ALG6: variants seen among roughly 807,000 people sequenced by gnomAD.
The protein encoded by ALG6 is dolichyl pyrophosphate Man9GlcNAc2 alpha-1,3-glucosyltransferase.
Under a neutral mutation model 66.6 loss-of-function variants are expected in ALG6, and 46 were observed. The observed-to-expected ratio is 0.69, with a 90% CI of 0.55 to 0.88. The LOEUF (loss-of-function observed/expected upper bound fraction) is 0.88. ALG6 is among the 40% of genes least tolerant of loss of function. The pLI, the probability that ALG6 is intolerant of heterozygous loss-of-function variation, is 0.00. For missense variants in ALG6, 505 were observed against 586.8 expected (o/e 0.86, Z 1.44); for synonymous variants, 185 against 203.7 (o/e 0.91, Z 0.78).
intron 2 of ALG6, among the ~76,000 whole-genome samples, chr1:63,375,334 T>C (rs1181380323): frequency 2.0e-5 from 3 of 150,900 alleles, no homozygotes; most frequent in Non-Finnish European, 4.4e-5. Flanking sequence ...AATATCCGTT[T>C]CCTGGGTTCA....
intron 3 of ALG6, among the ~76,000 whole-genome samples, chr1:63,398,546 C>T (rs1297888745): frequency 6.6e-6 from 1 of 152,166 alleles, no homozygotes; most frequent in East Asian, 1.9e-4. Context: ...GATCTCGGCT[C>T]ACTGCAAGCT....
At chr1:63,387,730 C>T (rs537223176) in intron 2 of ALG6, among the ~76,000 whole-genome samples, 94 of 151,656 alleles carry the variant, frequency 6.2e-4, no homozygotes, top group Non-Finnish European at 9.9e-4. Flanking sequence ...TTAGAAAAGA[C>T]GAGGTTTTGC....
rs1044356806 is a variant in ALG6, at chr1:63,390,401, C to T, written c.83-6112C>T. ...TGGTATTTAAGTTGCAAGACAAAGT[C>T]CTCTTTTACTCTCCAGTCTCCTTTC... On this transcript the variant is annotated intron_variant, in intron 2 of 14. Transcript: ENST00000263440. Among the ~76,000 whole-genome samples the T allele has an allele frequency of 2.0e-5, 3 of 152,052 alleles. No individual in the cohort carries two copies. The East Asian group carries it at 5.8e-4, about 29-fold the overall frequency.
Position 63,402,123 on chromosome 1 carries a change from A to G in ALG6, c.168-131A>G, listed in dbSNP as rs111429892. 17 of 707,112 alleles carry G rather than the reference A, an allele frequency of 2.4e-5. 1 individual carries two copies. Among genetic ancestry groups the G allele is most frequent in the African/African-American group, 1.4e-4 (8 of 56,614 alleles). The allele number at this position is 707,112 out of a possible 1,614,324, so 43.8% of individuals were successfully genotyped here. On this transcript the variant is annotated intron_variant, in intron 3 of 14. Coordinates refer to ENST00000263440, the MANE Select transcript of ALG6 (RefSeq NM_013339.4). Reference sequence around the variant, plus strand: ...GGTTTGTGTCTATTGACATGGCTTAATTATTAATAGCTTAATAATTAGTAA... The same window carrying G: ...GGTTTGTGTCTATTGACATGGCTTAGTTATTAATAGCTTAATAATTAGTAA...
intron 12 of ALG6, among the ~76,000 whole-genome samples, chr1:63,420,649 A>G (rs1169413914): frequency 6.6e-6 from 1 of 151,888 alleles, no homozygotes; most frequent in Non-Finnish European, 1.5e-5. Context: ...TCATGAGGTC[A>G]GGAGATCGAC....
At chr1:63,376,889 G>T (rs185416785) in intron 2 of ALG6, among the ~76,000 whole-genome samples, 1 of 152,162 alleles carries the variant, frequency 6.6e-6, no homozygotes, top group East Asian at 1.9e-4. Context: ...CAGTTATTAA[G>T]AGAGCTGTAG....
At position 63,433,232 on chromosome 1, in the gene ALG6, C is replaced by T. The variant is rs371297560; in HGVS notation, c.1327-3591C>T. 3.3e-5 allele frequency among the ~76,000 whole-genome samples: 5 copies of T among 152,196 alleles called. No homozygotes were observed. The highest frequency in any genetic ancestry group is 7.2e-5 in the African/African-American group (3 of 41,454). ...CTGGGATTACAGGCGTGAGCTACCGCGCCCAGCCCAACAGGCTATACTTAT... is the reference window on the plus strand; with the variant it reads ...CTGGGATTACAGGCGTGAGCTACCGTGCCCAGCCCAACAGGCTATACTTAT... On this transcript the variant is annotated intron_variant, in intron 14 of 14. Coordinates refer to ENST00000263440, the MANE Select transcript of ALG6 (RefSeq NM_013339.4). The surrounding 1 kb of genome is among the most constrained non-coding windows in gnomAD (Gnocchi z 4.2).
At chr1:63,403,326 A>T (rs1170861593) in intron 4 of ALG6, among the ~76,000 whole-genome samples, 3 of 152,158 alleles carry the variant, frequency 2.0e-5, no homozygotes, top group Admixed American at 2.0e-4. Context: ...ATGGTTACCA[A>T]CTAATCTGTC....
chr1:63,411,744 G>A (rs1353483906), intron 8 of ALG6, among the ~76,000 whole-genome samples, 182 bp from the exon 9 acceptor site: 1 of 152,134 alleles, frequency 6.6e-6, no homozygotes, highest in East Asian at 1.9e-4. Context: ...TGAAGTGCAC[G>A]TCTTAGCTGT....
chr1:63,421,753 C>T (rs948652115), intron 12 of ALG6, among the ~76,000 whole-genome samples: 4 of 152,012 alleles, frequency 2.6e-5, no homozygotes, highest in Middle Eastern at 3.4e-3. Flanking sequence ...AACCATCATT[C>T]TCAGCAAACT....
intron 2 of ALG6, among the ~76,000 whole-genome samples, chr1:63,394,461 C>T (rs1416815850): frequency 1.3e-5 from 2 of 152,018 alleles, no homozygotes; most frequent in Non-Finnish European, 2.9e-5. Context: ...CTCACTGTAA[C>T]CTCTGCCTCT....
chr1:63,425,231 G>A (rs1644608942), intron 12 of ALG6, among the ~76,000 whole-genome samples: 1 of 152,190 alleles, frequency 6.6e-6, no homozygotes, highest in Non-Finnish European at 1.5e-5. Context: ...GCAGGGGAAT[G>A]ATCAGCAGAG....
At chr1:63,398,366 T>C (rs1037350582) in intron 3 of ALG6, among the ~76,000 whole-genome samples, 2 of 152,248 alleles carry the variant, frequency 1.3e-5, no homozygotes, top group Non-Finnish European at 2.9e-5. Flanking sequence ...AACACCAGGA[T>C]ATCTCATTCT....
Position 63,402,306 on chromosome 1 carries a change from C to T in ALG6, c.220C>T (p.Pro74Ser). The change falls in exon 4 of 15, where the codon CCT becomes TCT. Residue 74 changes from proline to serine, a missense_variant. Pro to Ser is a moderately conservative substitution (Grantham distance 74). Coordinates refer to ENST00000263440, the MANE Select transcript of ALG6 (RefSeq NM_013339.4). ...NLQYWGLDYP[P>S]LTAYHSLLCA... ...ACAGTATTGGGGATTGGATTACCCA[C>T]CTCTTACAGCTTATCATAGTCTCCT... is the stretch of plus-strand genomic sequence containing the variant. The T allele has an allele frequency of 6.2e-7, 1 of 1,612,200 alleles. No individual in the cohort carries two copies. Among genetic ancestry groups the T allele is most frequent in the Non-Finnish European group, 8.5e-7 (1 of 1,178,516 alleles).
Position 63,396,557 on chromosome 1 carries a change from C to T in ALG6, c.127C>T (p.His43Tyr). The T allele has an allele frequency of 6.2e-7, 1 of 1,614,102 alleles. No individual in the cohort carries two copies. The highest frequency in any genetic ancestry group is 8.5e-7 in the Non-Finnish European group (1 of 1,179,988). Residue 43 changes from histidine (H) to tyrosine (Y), a missense_variant, in exon 3 of 15, where the codon CAC becomes TAC. Coordinates refer to ENST00000263440, the MANE Select transcript of ALG6 (RefSeq NM_013339.4). ...PMFGDYEAQR[H>Y]WQEITFNLPV... ...GTTTGGTGATTATGAAGCTCAGAGA[C>T]ACTGGCAAGAAATAACTTTTAATTT...
At chr1:63,393,931 GAGAC>G (rs893943369) in intron 2 of ALG6, among the ~76,000 whole-genome samples, 3 of 149,140 alleles carry the variant, frequency 2.0e-5, no homozygotes, top group Admixed American at 6.6e-5. Context: ...GAGAGATAGA[GAGAC>G]AGAGACCCAC....
chr1:63,401,020 G>T (rs376458124), intron 3 of ALG6, among the ~76,000 whole-genome samples: 342 of 152,226 alleles, frequency 2.2e-3, no homozygotes, highest in African/African-American at 7.9e-3. Flanking sequence ...GCTGCCAAAA[G>T]GGGCTCCAAC....
intron 7 of ALG6, among the ~76,000 whole-genome samples, chr1:63,410,085 C>G (rs1644508901): frequency 6.6e-6 from 1 of 152,104 alleles, no homozygotes; most frequent in South Asian, 2.1e-4. Flanking sequence ...TCTCTAGGGT[C>G]TTGCAGGGTG....
chr1:63,432,464 C>T (rs540249570), intron 14 of ALG6, among the ~76,000 whole-genome samples: 2 of 152,164 alleles, frequency 1.3e-5, no homozygotes, highest in South Asian at 2.1e-4. Flanking sequence ...TTTCATGTGA[C>T]GTCTTTGTCT....
Sources: gnomAD v4.1 joint callset for allele counts (sites outside exome capture counted in the v4.1 genomes callset) on GRCh38, gnomAD v4.1.1 for gene constraint, Gnocchi (gnomAD v3.1) non-coding constraint, MANE v1.5 for transcripts, NCBI Gene and HGNC (gene_info 2026-07-23, HGNC 2026-07-21) for gene names.